Variants in CAMK2D observed in about 807,000 individuals in gnomAD.
CAMK2D encodes the protein calcium/calmodulin-dependent protein kinase type II subunit delta.
In CAMK2D, 37 loss-of-function variants were observed where a neutral mutation model predicts 84.0. The observed-to-expected ratio is 0.44, with a 90% CI of 0.34 to 0.58. CAMK2D has a LOEUF of 0.58. Among genes scored for constraint, CAMK2D ranks in the 20% least tolerant of loss-of-function variants. CAMK2D has a pLI of 0.02. For synonymous variants in CAMK2D, 202 were observed against 212.5 expected, an observed-to-expected ratio of 0.95 and a Z score of 0.43; for missense variants, 448 against 652.5, an observed-to-expected ratio of 0.69 and a Z score of 3.41.
intron 6 of CAMK2D, 119 bp downstream of exon 6, chr4:113,547,525 G>A (rs1259147044): frequency 2.1e-5 from 11 of 516,852 alleles, no homozygotes; most frequent in Non-Finnish European, 3.1e-5. Context: ...CCTGAGTAAC[G>A]TGCTGGAATA....
chr4:113,639,061 A>G (rs1248357628), intron 3 of CAMK2D, among the ~76,000 whole-genome samples: 1 of 150,244 alleles, frequency 6.7e-6, no homozygotes, highest in Non-Finnish European at 1.5e-5. Flanking sequence ...TGGGCAACAT[A>G]GCGAAACTTT....
At chr4:113,637,337 C>T (rs1442107820) in intron 3 of CAMK2D, among the ~76,000 whole-genome samples, 2 of 152,174 alleles carry the variant, frequency 1.3e-5, no homozygotes, top group African/African-American at 4.8e-5. Flanking sequence ...GATTTTCCTA[C>T]AATTCTCAAA....
intron 4 of CAMK2D, among the ~76,000 whole-genome samples, chr4:113,578,135 A>G (rs550232997): frequency 6.6e-6 from 1 of 152,318 alleles, no homozygotes; most frequent in Admixed American, 6.5e-5. Context: ...TCATTGAAGA[A>G]AGATATTCTG....
chr4:113,516,755 T>A (rs940272089), intron 9 of CAMK2D, among the ~76,000 whole-genome samples: 1 of 152,128 alleles, frequency 6.6e-6, no homozygotes, highest in South Asian at 2.1e-4. Context: ...GTGAACCCAA[T>A]ATTGCTACTC....
chr4:113,466,724 A>T (rs539771518), intron 16 of CAMK2D, among the ~76,000 whole-genome samples: 2 of 152,298 alleles, frequency 1.3e-5, no homozygotes, highest in East Asian at 3.9e-4. Context: ...GTTTGGCTCA[A>T]ATCCTATCTA....
At chr4:113,625,519 T>TGC (rs1246017949) in intron 3 of CAMK2D, among the ~76,000 whole-genome samples, 2 of 152,130 alleles carry the variant, frequency 1.3e-5, no homozygotes, top group African/African-American at 4.8e-5. Context: ...GCCATGGAGA[T>TGC]GCCTCAGGGA....
intron 3 of CAMK2D, among the ~76,000 whole-genome samples, chr4:113,649,069 C>T (rs1158976280): frequency 6.6e-6 from 1 of 152,174 alleles, no homozygotes; most frequent in Non-Finnish European, 1.5e-5. Context: ...CCATCTGCCA[C>T]AAGTTAATTG....
At chr4:113,509,723 C>G in intron 12 of CAMK2D, 48 bp from the exon 13 acceptor site, 6 of 1,343,330 alleles carry the variant, frequency 4.5e-6, no homozygotes, top group Non-Finnish European at 5.4e-6. Flanking sequence ...CATAGAAACC[C>G]ACAGCCAGAC....
chr4:113,667,369 C>T (rs775404961), intron 2 of CAMK2D, among the ~76,000 whole-genome samples: 16 of 152,028 alleles, frequency 1.1e-4, no homozygotes, highest in Non-Finnish European at 2.1e-4. Flanking sequence ...ATAGAGAAAA[C>T]AAAAGCTTAA....
rs188574346 is a variant in CAMK2D, at chr4:113,684,818, A to T, written c.161-23046T>A. ...TGCTATACTGTCATTACTTCTAAAA[A>T]TAAACTGAGCAAATCCAAGTCTTGA... On this transcript the variant is annotated intron_variant, in intron 2 of 20. Transcript: ENST00000511664. Among the ~76,000 whole-genome samples, 328 of 152,332 alleles carry T rather than the reference A, an allele frequency of 2.2e-3. 4 individuals are homozygous for T. Among genetic ancestry groups the T allele is most frequent in the Non-Finnish European group, 1.0e-3 (69 of 68,028 alleles).
At chr4:113,498,483 A>T (rs985437181) in intron 16 of CAMK2D, among the ~76,000 whole-genome samples, 3 of 152,206 alleles carry the variant, frequency 2.0e-5, no homozygotes, top group Non-Finnish European at 4.4e-5. Flanking sequence ...TTTTGGCCAG[A>T]TCCACACCAG....
intron 2 of CAMK2D, among the ~76,000 whole-genome samples, chr4:113,664,331 C>T (rs2099249165): frequency 6.6e-6 from 1 of 152,210 alleles, no homozygotes; most frequent in African/African-American, 2.4e-5. Context: ...TATAATCTCA[C>T]AGTTTCTGTG....
rs144560644 is a variant in CAMK2D, at chr4:113,702,409, G to C, written c.161-40637C>G. ...TAGCTTACTGGCCATATAAAAACAA[G>C]ACAGATATGGCCAAAGGGACCATCA... On this transcript the variant is annotated intron_variant, in intron 2 of 20. Coordinates refer to ENST00000511664, the MANE Select transcript of CAMK2D (RefSeq NM_001321571.2). Among the ~76,000 whole-genome samples, 688 of 152,188 alleles carry C rather than the reference G, an allele frequency of 4.5e-3. 10 individuals carry two copies. Among genetic ancestry groups the C allele is most frequent in the African/African-American group, 0.016 (663 of 41,516 alleles).
chr4:113,487,917 A>G (rs985125320), intron 16 of CAMK2D, among the ~76,000 whole-genome samples: 1 of 152,170 alleles, frequency 6.6e-6, no homozygotes, highest in African/African-American at 2.4e-5. Flanking sequence ...GAGTAGAAAA[A>G]GAGCTTAAAA....
intron 3 of CAMK2D, among the ~76,000 whole-genome samples, chr4:113,613,835 A>G (rs148129269): frequency 2.0e-5 from 3 of 152,118 alleles, no homozygotes; most frequent in African/African-American, 4.8e-5. Flanking sequence ...CTTTCACATC[A>G]TGGACATTAT....
chr4:113,667,802 T>C (rs2099263434), intron 2 of CAMK2D, among the ~76,000 whole-genome samples: 1 of 152,238 alleles, frequency 6.6e-6, no homozygotes, highest in Admixed American at 6.5e-5. Context: ...CTATTTGACC[T>C]AGAATCTTTC....
intron 16 of CAMK2D, among the ~76,000 whole-genome samples, chr4:113,468,348 G>A (rs901495630): frequency 2.0e-5 from 3 of 152,158 alleles, no homozygotes; most frequent in Admixed American, 1.3e-4. Context: ...ATGGGAATTA[G>A]CCAGGATGCT....
intron 16 of CAMK2D, among the ~76,000 whole-genome samples, chr4:113,493,249 A>G (rs1442160876): frequency 2.6e-5 from 4 of 151,852 alleles, no homozygotes; most frequent in African/African-American, 9.7e-5. Flanking sequence ...GATGGTCTTT[A>G]CATTTAGGCA....
chr4:113,728,247 A>C (rs1488832488), intron 2 of CAMK2D, among the ~76,000 whole-genome samples: 1 of 152,230 alleles, frequency 6.6e-6, no homozygotes, highest in Non-Finnish European at 1.5e-5. Flanking sequence ...ACTGGAAACA[A>C]TCTAAATGTC....
Sources: gnomAD v4.1 joint callset for allele counts (sites outside exome capture counted in the v4.1 genomes callset) on GRCh38, gnomAD v4.1.1 for gene constraint, MANE v1.5 for transcripts, NCBI Gene and HGNC (gene_info 2026-07-23, HGNC 2026-07-21) for gene names.